The following TTLL7 variants were observed in gnomAD, a reference collection of about 807,000 sequenced individuals.
The protein encoded by TTLL7 is tubulin polyglutamylase TTLL7.
Under a neutral mutation model 120.2 loss-of-function variants are expected in TTLL7, and 53 were observed. That is an observed-to-expected ratio of 0.44 (90% CI 0.35 to 0.55). The LOEUF (loss-of-function observed/expected upper bound fraction) is 0.55, where lower values mean the gene tolerates loss of function less well. Among genes scored for constraint, TTLL7 ranks in the 20% least tolerant of loss-of-function variants. The pLI, the probability that TTLL7 is intolerant of heterozygous loss-of-function variation, is 0.00. For missense variants in TTLL7, 803 were observed against 1,054.7 expected (o/e 0.76, Z 3.31); for synonymous variants, 353 against 351.7 (o/e 1.00, Z -0.04).
intron 1 of TTLL7, among the ~76,000 whole-genome samples, chr1:83,982,783 CAGA>C (rs1347549130): frequency 6.6e-6 from 1 of 152,108 alleles, no homozygotes; most frequent in South Asian, 2.1e-4. Flanking sequence ...TTATTTTTCA[CAGA>C]AGTAGAAAAA....
At chr1:83,935,055 T>G (rs1647266609) in intron 8 of TTLL7, among the ~76,000 whole-genome samples, 1 of 152,126 alleles carries the variant, frequency 6.6e-6, no homozygotes, top group Non-Finnish European at 1.5e-5. Context: ...ACCTCACTGT[T>G]ACCCAGAACC....
intron 20 of TTLL7, among the ~76,000 whole-genome samples, chr1:83,877,679 G>A (rs138831931): frequency 4.0e-5 from 6 of 151,838 alleles, no homozygotes; most frequent in Admixed American, 1.3e-4. Context: ...CTGTAGTAAC[G>A]TCTCCCTTTT....
chr1:83,890,220 C>T (rs1042487398), intron 19 of TTLL7, 101 bp downstream of exon 19: 6 of 1,213,022 alleles, frequency 4.9e-6, no homozygotes. Flanking sequence ...TAAAAGAAAT[C>T]CATATTTTAA....
intron 18 of TTLL7, chr1:83,900,234 T>C (rs993030251): frequency 2.5e-6 from 1 of 406,718 alleles, no homozygotes; most frequent in Non-Finnish European, 4.8e-6. Context: ...GCTAGCTTGC[T>C]ACTGAGTCTA....
chr1:83,981,556 G>C (rs1651953646), intron 1 of TTLL7: 1 of 152,322 alleles, frequency 6.6e-6, no homozygotes, highest in African/African-American at 2.4e-5. Context: ...TAGGCCAGGT[G>C]CCGTGGCTCA....
At chr1:83,927,902 C>G (rs1227302396) in intron 10 of TTLL7, among the ~76,000 whole-genome samples, 2 of 152,268 alleles carry the variant, frequency 1.3e-5, no homozygotes, top group East Asian at 3.9e-4. Flanking sequence ...CTCCACCCAG[C>G]TGGAGGAAGA....
At position 83,866,990 on chromosome 1, in the gene TTLL7, T is replaced by G. The variant is rs906555265; in HGVS notation, c.*2972A>C. 2.0e-5 allele frequency: 3 copies of G among 151,978 alleles called. No homozygotes were observed. Among genetic ancestry groups the G allele is most frequent in the African/African-American group, 7.2e-5 (3 of 41,436 alleles). 9.4% of individuals were successfully genotyped at this position (151,978 alleles called of 1,614,324 possible). A position where few individuals can be genotyped will look rare whatever the true frequency, so the allele number is the denominator to read the frequency against. On this transcript the variant is annotated 3_prime_UTR_variant, in exon 21 of 21. Coordinates refer to ENST00000260505, the MANE Select transcript of TTLL7 (RefSeq NM_024686.6). ...GCATTCCAATCTTAGATTTACTGAA[T>G]GAGCAGGGATATGTTTTTCTATAGC...
chr1:83,951,865 G>A lies in TTLL7; in HGVS notation c.137C>T (p.Ala46Val). The change falls in exon 3 of 21, where the codon GCC (alanine) becomes GTC (valine). Residue 46 changes from alanine to valine, a missense_variant. Coordinates refer to ENST00000260505, the MANE Select transcript of TTLL7 (RefSeq NM_024686.6). ...CCTACCAATTTCAAACTTTGTCCCG[G>A]CAACATTTGCTGTAATGGTTCCCTT... is the stretch of plus-strand genomic sequence containing the variant. ...KKKGTITANV[A>V]GTKFEIVRLV... 6.2e-7 allele frequency: 1 copy of A among 1,608,716 alleles called. No individual in the cohort carries two copies. The highest frequency in any genetic ancestry group is 1.1e-5 in the South Asian group (1 of 89,188).
At chr1:83,941,758 G>T (rs1467211185) in intron 7 of TTLL7, among the ~76,000 whole-genome samples, 1 of 152,128 alleles carries the variant, frequency 6.6e-6, no homozygotes, top group Non-Finnish European at 1.5e-5. Context: ...ACAAATTATA[G>T]TAATTATTTT....
At position 83,867,072 on chromosome 1, in the gene TTLL7, G is replaced by C. The variant is rs780032058; in HGVS notation, c.*2890C>G. The C allele has an allele frequency of 6.6e-6, 1 of 151,844 alleles. No individual in the cohort carries two copies. Among genetic ancestry groups the C allele is most frequent in the Non-Finnish European group, 1.5e-5 (1 of 67,832 alleles). 9.4% of individuals were successfully genotyped at this position (151,844 alleles called of 1,614,324 possible). A position where few individuals can be genotyped will look rare whatever the true frequency, so the allele number is the denominator to read the frequency against. Reference sequence around the variant, plus strand: ...CCCAGTTCCCCTATTAAAAACCTCTGGTAAGATTAAGTAGCTTTTGGAGTT... The same window carrying C: ...CCCAGTTCCCCTATTAAAAACCTCTCGTAAGATTAAGTAGCTTTTGGAGTT... On this transcript the variant is annotated 3_prime_UTR_variant, in exon 21 of 21. Coordinates refer to ENST00000260505, the MANE Select transcript of TTLL7 (RefSeq NM_024686.6).
At chr1:83,892,244 ATATG>A (rs1389852990) in intron 18 of TTLL7, among the ~76,000 whole-genome samples, 69 of 139,740 alleles carry the variant, frequency 4.9e-4, no homozygotes, top group Admixed American at 1.5e-3. Context: ...ATATGAATAT[ATATG>A]TATATATGAA....
Position 83,948,662 on chromosome 1 carries a change from A to G in TTLL7, c.313T>C (p.Cys105Arg). 1 of 1,611,288 alleles carries G rather than the reference A, an allele frequency of 6.2e-7. No individual in the cohort carries two copies. ...INHFPGMGEI[C>R]RKDFLARNMT... Reference sequence around the variant, plus strand: ...TTTCTTGCTAAGAAATCCTTCCTACAGATCTCCCCCATTCCTGGAAAATGG... The same window carrying G: ...TTTCTTGCTAAGAAATCCTTCCTACGGATCTCCCCCATTCCTGGAAAATGG... The change falls in exon 5 of 21, where the codon TGT (cysteine) becomes CGT (arginine). Residue 105 changes from cysteine (C) to arginine (R), a missense_variant. This residue lies in a region of TTLL7 where 324 missense variants were observed against 507.7 expected (regional missense o/e 0.64). Coordinates refer to ENST00000260505, the MANE Select transcript of TTLL7 (RefSeq NM_024686.6).
chr1:83,904,617 AG>A (rs1657029614), intron 17 of TTLL7, among the ~76,000 whole-genome samples: 2 of 152,272 alleles, frequency 1.3e-5, no homozygotes, highest in East Asian at 1.9e-4. Flanking sequence ...CCTGGGCAAC[AG>A]AATGAGACTC....
Position 83,965,325 on chromosome 1 carries a change from G to A in TTLL7, c.-176-12938C>T, listed in dbSNP as rs1022095962. Among the ~76,000 whole-genome samples, 72 of 152,224 alleles carry A rather than the reference G, an allele frequency of 4.7e-4. 1 individual carries two copies. The highest frequency in any genetic ancestry group is 1.7e-3 in the African/African-American group (69 of 41,558). On this transcript the variant is annotated intron_variant, in intron 1 of 20. Transcript: ENST00000260505. Reference sequence around the variant, plus strand: ...CACTTGTTCTTGTGATAGTGAGTGAGTTCTCACGAAATCTGATGGTTTTAT... The same window carrying A: ...CACTTGTTCTTGTGATAGTGAGTGAATTCTCACGAAATCTGATGGTTTTAT...
At chr1:83,902,789 CAA>C (rs1656832015) in intron 18 of TTLL7, among the ~76,000 whole-genome samples, 1 of 151,914 alleles carries the variant, frequency 6.6e-6, no homozygotes, top group African/African-American at 2.4e-5. Context: ...AACTCTTATA[CAA>C]CTACACACTC....
intron 1 of TTLL7, among the ~76,000 whole-genome samples, chr1:83,990,082 G>C (rs1652838832): frequency 6.6e-6 from 1 of 152,048 alleles, no homozygotes; most frequent in South Asian, 2.1e-4. Context: ...ATAAGTTCCA[G>C]GGGCTTTTTG....
Position 83,942,506 on chromosome 1 carries a change from C to T in TTLL7, c.680G>A (p.Arg227Gln). Reference sequence around the variant, plus strand: ...TGGAATGTACTTCTCTGTACCCATTCGCACAAGCCCATCATGGTAGAGAAA... The same window carrying T: ...TGGAATGTACTTCTCTGTACCCATTTGCACAAGCCCATCATGGTAGAGAAA... ...KIFLYHDGLV[R>Q]MGTEKYIPPN... The change falls in exon 7 of 21, where the codon CGA (arginine) becomes CAA (glutamine). Residue 227 changes from arginine (R) to glutamine (Q), a missense_variant. Transcript: ENST00000260505. The T allele has an allele frequency of 1.2e-6, 2 of 1,613,990 alleles. No homozygotes were observed. The highest frequency in any genetic ancestry group is 1.7e-6 in the Non-Finnish European group (2 of 1,179,948).
chr1:83,913,209 T>A lies in TTLL7; in HGVS notation c.1588-1846A>T, dbSNP rs114701795. On this transcript the variant is annotated intron_variant, in intron 14 of 20. Coordinates refer to ENST00000260505, the MANE Select transcript of TTLL7 (RefSeq NM_024686.6). ...ATGGAATTTGTAAACTGGCATTGAG[T>A]TATGGCACAACCATACTACTTATTT... is the stretch of plus-strand genomic sequence containing the variant. 3.5e-3 allele frequency among the ~76,000 whole-genome samples: 540 copies of A among 152,276 alleles called. 2 individuals are homozygous for A. Among genetic ancestry groups the A allele is most frequent in the African/African-American group, 0.013 (521 of 41,554 alleles).
chr1:83,908,810 G>GA (rs924478430), intron 15 of TTLL7, among the ~76,000 whole-genome samples: 18 of 151,090 alleles, frequency 1.2e-4, no homozygotes, highest in Admixed American at 6.6e-5. Context: ...ATTAGCTGTT[G>GA]AAAAAAAATT....
Sources: gnomAD v4.1 joint callset for allele counts (sites outside exome capture counted in the v4.1 genomes callset) on GRCh38, gnomAD v4.1.1 for gene constraint, gnomAD v4.1.1 regional missense constraint, MANE v1.5 for transcripts, NCBI Gene and HGNC (gene_info 2026-07-23, HGNC 2026-07-21) for gene names.